Variants in SF3A1 observed in about 807,000 individuals in gnomAD.
SF3A1 encodes splicing factor 3a subunit 1.
A neutral mutation model predicts 89.9 loss-of-function variants in SF3A1; 13 were observed. The observed-to-expected ratio is 0.14, with a 90% confidence interval of 0.09 to 0.23. The LOEUF (loss-of-function observed/expected upper bound fraction) is 0.23. SF3A1 is among the 10% of genes least tolerant of loss of function. SF3A1 has a pLI of 1.00. For synonymous variants in SF3A1, 405 were observed against 374.4 expected, an observed-to-expected ratio of 1.08 and a Z score of -0.94; for missense variants, 604 against 1,022.1, an observed-to-expected ratio of 0.59 and a Z score of 5.58.
rs759294819 is a variant in SF3A1, at chr22:30,337,134, T to C, written c.1998A>G (p.Pro666=). The C allele has an allele frequency of 1.5e-5, 24 of 1,613,566 alleles. No individual in the cohort carries two copies. The highest frequency in any genetic ancestry group is 5.0e-5 in the Admixed American group (3 of 59,966). Residue 666 remains proline (P), a synonymous_variant, in exon 13 of 16, where the codon CCA becomes CCG. Coordinates refer to ENST00000215793, the MANE Select transcript of SF3A1 (RefSeq NM_005877.6). ...PPVAPVPAPA[P]MPPVHPPPPM... Reference sequence around the variant, plus strand: ...GAGGTGGGGGATGCACAGGGGGCATTGGGGCTGGAGCTGGGACAGGTGCCA... The same window carrying C: ...GAGGTGGGGGATGCACAGGGGGCATCGGGGCTGGAGCTGGGACAGGTGCCA...
At chr22:30,335,355 G>T in intron 15 of SF3A1, 112 bp downstream of exon 15, 1 of 914,300 alleles carries the variant, frequency 1.1e-6, no homozygotes, top group Non-Finnish European at 1.8e-6. Context: ...GATTCAGATG[G>T]CCACACCCAG....
chr22:30,344,539 A>G (rs1459923190), intron 4 of SF3A1, among the ~76,000 whole-genome samples: 6 of 152,180 alleles, frequency 3.9e-5, no homozygotes, highest in African/African-American at 1.4e-4. Flanking sequence ...ATGGGGGGAA[A>G]ACACCTCATG....
chr22:30,342,166 G>C (rs1474144686), intron 6 of SF3A1, 34 bp downstream of exon 6: 1 of 1,612,716 alleles, frequency 6.2e-7, no homozygotes, highest in East Asian at 2.2e-5. Context: ...TGAGTTCCTG[G>C]CTCCCCATCT....
chr22:30,345,170 T>C lies in SF3A1; in HGVS notation c.414A>G (p.Gln138=), dbSNP rs1363335274. The stretch of plus-strand genomic sequence containing the variant: ...GAGGCTCTTTGGGCACGATGGTCTC[T>C]TGGATTACTTGGGCTTGGACCTAAG... ...LPQKVQAQVI[Q]ETIVPKEPPP... is the part of the protein sequence containing the mutation. The change falls in exon 4 of 16, where the codon CAA becomes CAG. Residue 138 remains glutamine (Q), a synonymous_variant. Coordinates refer to ENST00000215793, the MANE Select transcript of SF3A1 (RefSeq NM_005877.6). 6.2e-7 allele frequency: 1 copy of C among 1,613,688 alleles called. No homozygotes were observed. The highest frequency in any genetic ancestry group is 8.5e-7 in the Non-Finnish European group (1 of 1,179,730).
At chr22:30,350,329 A>T (rs1279323807) in intron 2 of SF3A1, among the ~76,000 whole-genome samples, 3 of 151,418 alleles carry the variant, frequency 2.0e-5, no homozygotes, top group Admixed American at 1.3e-4. Flanking sequence ...AAATAAAAAA[A>T]AAATTAGCTG....
intron 2 of SF3A1, among the ~76,000 whole-genome samples, chr22:30,350,817 GGAGGCATGAACACTGCTAA>G (rs1427200227): frequency 6.6e-6 from 1 of 152,182 alleles, no homozygotes; most frequent in Non-Finnish European, 1.5e-5. Flanking sequence ...GGGGAAAAGG[GGAGGCATGAACACTGCTAA>G]GAGCCATTAA....
rs770126991 is a variant in SF3A1 at position 30,341,836 on chromosome 22, G to A, written c.927C>T (p.Leu309=). The change falls in exon 7 of 16, where the codon CTC becomes CTT. Residue 309 remains leucine, a synonymous_variant. Transcript: ENST00000215793. ...TTPEELGARI[L]IQERYEKFGE... is the part of the protein sequence containing the mutation. The stretch of plus-strand genomic sequence containing the variant: ...CAAACTTTTCATAGCGCTCCTGAAT[G>A]AGGATTCGGGCCCCCAGCTCCTCTG... 6.2e-7 allele frequency: 1 copy of A among 1,613,932 alleles called. No individual in the cohort carries two copies. Among genetic ancestry groups the A allele is most frequent in the Non-Finnish European group, 8.5e-7 (1 of 1,180,020 alleles).
chr22:30,341,596 G>T, intron 7 of SF3A1, 96 bp downstream of exon 7: 1 of 701,306 alleles, frequency 1.4e-6, no homozygotes, highest in Non-Finnish European at 2.2e-6. Context: ...TCCTTTCAAG[G>T]CTCACAGGGG....
intron 15 of SF3A1, 71 bp from the exon 16 acceptor site, chr22:30,334,766 G>A: frequency 9.3e-7 from 1 of 1,080,606 alleles, no homozygotes; most frequent in Non-Finnish European, 1.4e-6. Context: ...CCTTACAACT[G>A]TGCACTTGGT....
rs1456867538 is a variant in SF3A1 at position 30,356,801 on chromosome 22, C to T, written c.-9G>A. On this transcript the variant is annotated 5_prime_UTR_variant, in exon 1 of 16. Coordinates refer to ENST00000215793, the MANE Select transcript of SF3A1 (RefSeq NM_005877.6). Reference sequence around the variant, plus strand: ...ACGGGTCCGGCCGGCATGACTGCGACGCTCAGGGCTGCCAGTCCGCCTCGG... The same window carrying T: ...ACGGGTCCGGCCGGCATGACTGCGATGCTCAGGGCTGCCAGTCCGCCTCGG... The T allele has an allele frequency of 7.2e-7, 1 of 1,380,620 alleles. No individual in the cohort carries two copies. The highest frequency in any genetic ancestry group is 9.5e-7 in the Non-Finnish European group (1 of 1,057,548). 85.5% of individuals were successfully genotyped at this position (1,380,620 alleles called of 1,614,324 possible). A position where few individuals can be genotyped will look rare whatever the true frequency, so the allele number is the denominator to read the frequency against.
At chr22:30,341,225 G>A (rs1931241947) in intron 7 of SF3A1, among the ~76,000 whole-genome samples, 1 of 152,226 alleles carries the variant, frequency 6.6e-6, no homozygotes, top group Non-Finnish European at 1.5e-5. Context: ...CTCAGGCTGT[G>A]CACAAATTAT....
At chr22:30,347,927 C>T (rs952655714) in intron 2 of SF3A1, among the ~76,000 whole-genome samples, 4 of 152,324 alleles carry the variant, frequency 2.6e-5, no homozygotes, top group Non-Finnish European at 5.9e-5. Context: ...CTGCAACCTC[C>T]ACCTCCTGGG....
In SF3A1 at chr22:30,333,818, C is replaced by T. The variant is rs758378517; in HGVS notation, c.*776G>A. The T allele has an allele frequency of 3.9e-5, 6 of 152,166 alleles. No homozygotes were observed. The highest frequency in any genetic ancestry group is 5.9e-5 in the Non-Finnish European group (4 of 68,038). The allele number at this position is 152,166 out of a possible 1,614,324, so 9.4% of individuals were successfully genotyped here. ...TTAAAGAAACGTCATCATATCCACA[C>T]ACCTATGAGGCACCTGCCCAGGACC... is the stretch of plus-strand genomic sequence containing the variant. On this transcript the variant is annotated 3_prime_UTR_variant, in exon 16 of 16. Coordinates refer to ENST00000215793, the MANE Select transcript of SF3A1 (RefSeq NM_005877.6).
intron 11 of SF3A1, 101 bp from the exon 12 acceptor site, chr22:30,337,998 T>C: frequency 2.4e-6 from 2 of 828,244 alleles, no homozygotes; most frequent in South Asian, 2.9e-5. Context: ...GGATGGAGGT[T>C]AGACAACTAC....
At chr22:30,343,702 G>A (rs1040323078) in intron 4 of SF3A1, among the ~76,000 whole-genome samples, 1 of 152,194 alleles carries the variant, frequency 6.6e-6, no homozygotes, top group Non-Finnish European at 1.5e-5. Flanking sequence ...CTTTAACCCT[G>A]GAAGCAGTCC....
At chr22:30,340,936 C>A in intron 7 of SF3A1, 124 bp from the exon 8 acceptor site, 2 of 649,846 alleles carry the variant, frequency 3.1e-6, no homozygotes, top group Non-Finnish European at 5.4e-6. Flanking sequence ...ATGTGCTAAG[C>A]CTCCCAGGGC....
At position 30,335,768 on chromosome 22, in the gene SF3A1, G is replaced by A; in HGVS notation, c.2107-15C>T. On this transcript the variant is annotated splice_polypyrimidine_tract_variant and intron_variant, in intron 13 of 15. Coordinates refer to ENST00000215793, the MANE Select transcript of SF3A1 (RefSeq NM_005877.6). ...GACACTGGACCCTACAAAACAGGAG[G>A]TGGTCATTATGCCTAGGGAGCTCGG... is the stretch of plus-strand genomic sequence containing the variant. The A allele has an allele frequency of 1.2e-6, 2 of 1,608,460 alleles. No homozygotes were observed. The highest frequency in any genetic ancestry group is 1.7e-6 in the Non-Finnish European group (2 of 1,174,816).
intron 5 of SF3A1, 100 bp downstream of exon 5, chr22:30,342,705 A>G (rs534537615): frequency 1.1e-5 from 9 of 830,032 alleles, no homozygotes; most frequent in African/African-American, 5.1e-5. Flanking sequence ...CACCATTCCC[A>G]TGACTGGAAC....
chr22:30,339,326 T>C (rs532535966), intron 9 of SF3A1, 75 bp from the exon 10 acceptor site: 40 of 1,582,538 alleles, frequency 2.5e-5, no homozygotes, highest in Non-Finnish European at 3.2e-5. Flanking sequence ...GAGCAGCTTT[T>C]CTGGTGTGCA....
Sources: gnomAD v4.1 joint callset for allele counts (sites outside exome capture counted in the v4.1 genomes callset) on GRCh38, gnomAD v4.1.1 for gene constraint, MANE v1.5 for transcripts, NCBI Gene and HGNC (gene_info 2026-07-23, HGNC 2026-07-21) for gene names.